The following C3orf20 variants were observed in gnomAD, a reference collection of about 807,000 sequenced individuals.
C3orf20 encodes the protein uncharacterized protein C3orf20.
A neutral mutation model predicts 88.3 loss-of-function variants in C3orf20; 76 were observed. That is an observed-to-expected ratio of 0.86 (90% CI 0.72 to 1.04). C3orf20 has a LOEUF of 1.04. Among genes scored for constraint, C3orf20 ranks in the 50% least tolerant of loss-of-function variants. The pLI is 0.00. For synonymous variants in C3orf20, 436 were observed against 437.4 expected (o/e 1.00, Z 0.04); for missense variants, 1,056 against 1,123.3 (o/e 0.94, Z 0.86).
intron 7 of C3orf20, among the ~76,000 whole-genome samples, chr3:14,708,365 A>G (rs767199378): frequency 2.0e-5 from 3 of 152,130 alleles, no homozygotes; most frequent in Non-Finnish European, 4.4e-5. Flanking sequence ...TGGACTGTCA[A>G]TTCTAAGCCA....
rs567734267 is a variant in C3orf20 at position 14,728,545 on chromosome 3, C to G, written c.1797C>G (p.Tyr599Ter). 1.2e-6 allele frequency: 2 copies of G among 1,614,224 alleles called. No homozygotes were observed. Among genetic ancestry groups the G allele is most frequent in the Non-Finnish European group, 1.7e-6 (2 of 1,180,038 alleles). ...AGCGGCTCCCCAAGCTAAGTTTATA[C>G]TCAGGAGAAAGTCTTTTACGATCTC... is the stretch of plus-strand genomic sequence containing the variant. ...HPERLPKLSL[Y>*]SGESLLRSQS... Residue 599 changes from tyrosine (Y) to a stop codon, truncating the protein, a stop_gained, in exon 12 of 17, where the codon TAC (tyrosine) becomes TAG (stop). Transcript: ENST00000253697. LOFTEE classifies it high-confidence loss of function.
intron 7 of C3orf20, among the ~76,000 whole-genome samples, chr3:14,708,535 A>T (rs2033613955): frequency 6.6e-6 from 1 of 151,810 alleles, no homozygotes; most frequent in South Asian, 2.1e-4. Context: ...TAAATTTTCA[A>T]GTCAGGTTTT....
At chr3:14,721,981 C>A (rs943722041) in intron 10 of C3orf20, 197 bp downstream of exon 10, 2 of 612,688 alleles carry the variant, frequency 3.3e-6, no homozygotes, top group Non-Finnish European at 5.6e-6. Flanking sequence ...TAAGGGTCTT[C>A]CAGTTGTAAG....
intron 4 of C3orf20, among the ~76,000 whole-genome samples, chr3:14,687,373 A>C (rs753412): frequency 0.85 from 129,514 of 152,190 alleles, 55,192 homozygotes; most frequent in Non-Finnish European, 0.87. Context: ...AAACACTCTT[A>C]CCCACAGTGT....
chr3:14,726,703 G>A (rs1176807084), intron 10 of C3orf20, among the ~76,000 whole-genome samples, 198 bp from the exon 11 acceptor site: 1 of 152,184 alleles, frequency 6.6e-6, no homozygotes, highest in African/African-American at 2.4e-5. Context: ...AACCCTCCGA[G>A]GAGAGGCCAT....
At chr3:14,676,473 C>T (rs943098465) in intron 1 of C3orf20, among the ~76,000 whole-genome samples, 6 of 152,114 alleles carry the variant, frequency 3.9e-5, no homozygotes, top group Non-Finnish European at 5.9e-5. Context: ...TTTCTAAAAC[C>T]GAGCTTCCTA....
chr3:14,769,929 T>C (rs553022264), intron 15 of C3orf20, among the ~76,000 whole-genome samples: 1 of 150,944 alleles, frequency 6.6e-6, no homozygotes, highest in African/African-American at 2.5e-5. Flanking sequence ...GCTCTGGGAA[T>C]GAATGAAAGA....
intron 12 of C3orf20, among the ~76,000 whole-genome samples, chr3:14,746,102 A>G (rs1171278739): frequency 2.0e-5 from 3 of 152,248 alleles, no homozygotes; most frequent in Non-Finnish European, 4.4e-5. Flanking sequence ...AAATAAAAAT[A>G]TAGAGATGAA....
chr3:14,727,196 G>A (rs980235553), intron 11 of C3orf20, among the ~76,000 whole-genome samples, 172 bp downstream of exon 11: 11 of 152,114 alleles, frequency 7.2e-5, no homozygotes, highest in Non-Finnish European at 1.5e-4. Flanking sequence ...GGTCCCACTG[G>A]GCTCAGGTCA....
At chr3:14,732,693 C>G (rs1016422273) in intron 12 of C3orf20, among the ~76,000 whole-genome samples, 7 of 152,190 alleles carry the variant, frequency 4.6e-5, no homozygotes, top group Non-Finnish European at 8.8e-5. Flanking sequence ...AAACATCCAG[C>G]AATGCACAAA....
At chr3:14,763,269 C>T (rs1220929932) in intron 15 of C3orf20, among the ~76,000 whole-genome samples, 9 of 152,156 alleles carry the variant, frequency 5.9e-5, no homozygotes, top group Non-Finnish European at 1.3e-4. Flanking sequence ...GCCTGTTGAA[C>T]ATTTATTTCC....
intron 15 of C3orf20, among the ~76,000 whole-genome samples, chr3:14,762,418 C>T (rs1218113061): frequency 3.3e-5 from 5 of 152,296 alleles, no homozygotes; most frequent in East Asian, 3.9e-4. Context: ...AAGGAGCCTG[C>T]GCTGCATGAA....
rs764520395 is a variant in C3orf20 at position 14,703,199 on chromosome 3, GCCTGGAGTTCAGCGACCCCTGC to G, written c.820_841del (p.Glu274ArgfsTer13). 11 of 1,614,056 alleles carry G rather than the reference GCCTGGAGTTCAGCGACCCCTGC, an allele frequency of 6.8e-6. No individual in the cohort carries two copies. In the African/African-American group the frequency reaches 1.5e-4, roughly 22 times the overall value. On this transcript the variant is annotated frameshift_variant, in exon 6 of 17. Transcript: ENST00000253697. LOFTEE classifies it high-confidence loss of function. ...CGAGGAGTGGGAACCCCTGCCAACA[GCCTGGAGTTCAGCGACCCCTGC>G]CCTGAGGCCCGGGAGAAGCTGCAGG... is the stretch of plus-strand genomic sequence containing the variant.
chr3:14,715,188 C>T, intron 8 of C3orf20, 101 bp from the exon 9 acceptor site: 1 of 1,456,946 alleles, frequency 6.9e-7, no homozygotes, highest in Non-Finnish European at 9.2e-7. Flanking sequence ...ACTCCTCCAG[C>T]CTGGGACTGA....
chr3:14,748,259 A>G (rs1385722568), intron 12 of C3orf20, among the ~76,000 whole-genome samples: 1 of 152,122 alleles, frequency 6.6e-6, no homozygotes, highest in African/African-American at 2.4e-5. Context: ...TTGGCATACA[A>G]TTGTTCACAA....
chr3:14,691,352 C>A (rs973940680), intron 5 of C3orf20, among the ~76,000 whole-genome samples: 1 of 152,104 alleles, frequency 6.6e-6, no homozygotes, highest in Non-Finnish European at 1.5e-5. Flanking sequence ...CTGAGCTGGC[C>A]CTAGATCTGG....
Position 14,726,907 on chromosome 3 carries a change from C to T in C3orf20, c.1573C>T (p.Arg525Cys), listed in dbSNP as rs745757801. The change falls in exon 11 of 17, where the codon CGC becomes TGC. Residue 525 changes from arginine (R) to cysteine (C), a missense_variant. Transcript: ENST00000253697. ...CCCCTTTGCCCCTCTCCAGCTGAAC[C>T]GCAGAATCAGCAACATGGACGACAA... ...HGMAYDKRLN[R>C]RISNMDDKVY... 4 of 1,614,002 alleles carry T rather than the reference C, an allele frequency of 2.5e-6. No individual in the cohort carries two copies. The highest frequency in any genetic ancestry group is 2.2e-5 in the East Asian group (1 of 44,864).
chr3:14,733,250 A>G (rs2034597406), intron 12 of C3orf20, among the ~76,000 whole-genome samples: 2 of 152,036 alleles, frequency 1.3e-5, no homozygotes, highest in Non-Finnish European at 2.9e-5. Context: ...TTATTCTATT[A>G]TTGTGGTGAA....
At chr3:14,771,608 T>C (rs2125049726) in intron 15 of C3orf20, among the ~76,000 whole-genome samples, 1 of 152,366 alleles carries the variant, frequency 6.6e-6, no homozygotes, top group South Asian at 2.1e-4. Context: ...CCTCCTCCAG[T>C]ATGGCCTCAT....
Sources: gnomAD v4.1 joint callset for allele counts (sites outside exome capture counted in the v4.1 genomes callset) on GRCh38, gnomAD v4.1.1 for gene constraint, MANE v1.5 for transcripts, NCBI Gene and HGNC (gene_info 2026-07-23, HGNC 2026-07-21) for gene names.